Variants in UTP25 observed in about 807,000 individuals in gnomAD.
UTP25 encodes U3 small nucleolar RNA-associated protein 25 homolog.
In UTP25, 50 loss-of-function variants were observed where a neutral mutation model predicts 78.9. The observed-to-expected ratio is 0.63, with a 90% CI of 0.50 to 0.80. UTP25 has a LOEUF of 0.80. UTP25 is among the 30% of genes least tolerant of loss of function. UTP25 has a pLI of 0.00. For missense variants in UTP25, 846 were observed against 911.3 expected (o/e 0.93, Z 0.92); for synonymous variants, 329 against 336.5 (o/e 0.98, Z 0.24).
intron 9 of UTP25, 24 bp downstream of exon 9, chr1:209,842,471 A>C: frequency 6.2e-7 from 1 of 1,613,966 alleles, no homozygotes; most frequent in Non-Finnish European, 8.5e-7. Context: ...TTGTTTCCTC[A>C]GTATCTTCAT....
In UTP25 at chr1:209,853,359, CTTT is replaced by C. The variant is rs766466685; in HGVS notation, c.*1925_*1927del. The C allele has an allele frequency of 3.5e-5, 5 of 140,916 alleles. No individual in the cohort carries two copies. Among genetic ancestry groups the C allele is most frequent in the Non-Finnish European group, 4.7e-5 (3 of 64,320 alleles). 8.7% of individuals were successfully genotyped at this position (140,916 alleles called of 1,614,324 possible). On this transcript the variant is annotated 3_prime_UTR_variant, in exon 12 of 12. Coordinates refer to ENST00000491415, the MANE Select transcript of UTP25 (RefSeq NM_014388.7). ...GCGAAGGGACTGTAATTACCTGGATCTTTTTTTTTTTTTTTGAGATGGAGTCTC... is the reference window on the plus strand; with the variant it reads ...GCGAAGGGACTGTAATTACCTGGATCTTTTTTTTTTTTGAGATGGAGTCTC...
intron 8 of UTP25, 57 bp from the exon 9 acceptor site, chr1:209,842,208 G>A (rs2078170655): frequency 1.3e-6 from 2 of 1,496,220 alleles, no homozygotes; most frequent in Non-Finnish European, 1.8e-6. Flanking sequence ...GTTTAGCAAT[G>A]TCCAACATGT....
rs41303047 is a variant in UTP25 at position 209,843,715 on chromosome 1, T to G, written c.2027+19T>G. ...ACAAAAGGTAAAGTGGTGCCAGGTT[T>G]CAAGCCTCCTCTCTGAAGGGGAGGT... is the stretch of plus-strand genomic sequence containing the variant. On this transcript the variant is annotated intron_variant, in intron 11 of 11. Coordinates refer to ENST00000491415, the MANE Select transcript of UTP25 (RefSeq NM_014388.7). The G allele has an allele frequency of 1.9e-3, 3,125 of 1,607,596 alleles. 5 individuals are homozygous for G. The highest frequency in any genetic ancestry group is 2.5e-3 in the Non-Finnish European group (2,996 of 1,176,038).
chr1:209,836,801 T>A lies in UTP25; in HGVS notation c.652T>A (p.Trp218Arg), dbSNP rs746058692. 1.9e-6 allele frequency: 3 copies of A among 1,591,028 alleles called. No individual in the cohort carries two copies. Among genetic ancestry groups the A allele is most frequent in the Non-Finnish European group, 2.6e-6 (3 of 1,170,692 alleles). Residue 218 changes from tryptophan (W) to arginine (R), a missense_variant and splice_region_variant, in exon 6 of 12, where the codon TGG becomes AGG. Coordinates refer to ENST00000491415, the MANE Select transcript of UTP25 (RefSeq NM_014388.7). The stretch of plus-strand genomic sequence containing the variant: ...GGCTCTTGATCTGTTTCTCCCCTAG[T>A]GGCCTATTCTGGGCCAGCTTTTCTT... Reference protein sequence around the residue: ...TNPKTTHELKWPILGQLFFSS... With the variant: ...TNPKTTHELKRPILGQLFFSS...
rs181507188 is a variant in UTP25 at position 209,848,059 on chromosome 1, G to A, written c.2028-3145G>A. Among the ~76,000 whole-genome samples, 399 of 152,182 alleles carry A rather than the reference G, an allele frequency of 2.6e-3. 1 individual carries two copies. Among genetic ancestry groups the A allele is most frequent in the African/African-American group, 9.3e-3 (384 of 41,498 alleles). ...AGATCAGTGGTTCTCAAACTTTGCC[G>A]TACGTTAGAATAGAAGCTTTTAAAA... On this transcript the variant is annotated intron_variant, in intron 11 of 11. Transcript: ENST00000491415.
intron 11 of UTP25, 77 bp downstream of exon 11, chr1:209,843,773 G>T: frequency 6.6e-7 from 1 of 1,522,026 alleles, no homozygotes. Context: ...CTGAATGCAT[G>T]GCAGGCTTCG....
At chr1:209,829,486 C>CTTTTTT (rs200092993) in intron 1 of UTP25, among the ~76,000 whole-genome samples, 1 of 141,426 alleles carries the variant, frequency 7.1e-6, no homozygotes, top group Admixed American at 7.1e-5. Flanking sequence ...CTTTTCTTTT[C>CTTTTTT]TTTTTTCTTT....
chr1:209,843,981 A>C, intron 11 of UTP25: 1 of 369,724 alleles, frequency 2.7e-6, no homozygotes. Context: ...AGGACATTAC[A>C]GGACAACTCA....
chr1:209,849,660 T>G (rs951665432), intron 11 of UTP25, among the ~76,000 whole-genome samples: 3 of 152,124 alleles, frequency 2.0e-5, no homozygotes, highest in African/African-American at 7.2e-5. Context: ...TCTCCAGGGC[T>G]CCCAGTGCAG....
In UTP25 at chr1:209,852,426, C is replaced by G. The variant is rs2078246700; in HGVS notation, c.*979C>G. 6.6e-6 allele frequency: 1 copy of G among 152,200 alleles called. No homozygotes were observed. The highest frequency in any genetic ancestry group is 6.5e-5 in the Admixed American group (1 of 15,286). The allele number at this position is 152,200 out of a possible 1,614,324, so 9.4% of individuals were successfully genotyped here. ...TTTCAGAATCCAAAAAAATTCGAAA[C>G]ACGTCTGGTCCCAAGCATTTCAGAT... On this transcript the variant is annotated 3_prime_UTR_variant, in exon 12 of 12. Coordinates refer to ENST00000491415, the MANE Select transcript of UTP25 (RefSeq NM_014388.7).
At chr1:209,841,126 GT>G (rs2102576158) in intron 8 of UTP25, 71 bp downstream of exon 8, 1 of 1,518,732 alleles carries the variant, frequency 6.6e-7, no homozygotes, top group East Asian at 2.3e-5. Context: ...AGTGGTTTAA[GT>G]CCTAAAGAAT....
chr1:209,841,098 T>C lies in UTP25; in HGVS notation c.1485+43T>C, dbSNP rs180780011. 15 of 1,603,844 alleles carry C rather than the reference T, an allele frequency of 9.4e-6. No homozygotes were observed. The Admixed American group carries it at 1.3e-4, about 14-fold the overall frequency. On this transcript the variant is annotated intron_variant, in intron 8 of 11. Coordinates refer to ENST00000491415, the MANE Select transcript of UTP25 (RefSeq NM_014388.7). ...CATTCAGTGGGACAGTATTCATATT[T>C]AGAGGGATAAGACACCCAGTGGTTT...
At position 209,835,078 on chromosome 1, in the gene UTP25, C is replaced by A. The variant is rs2078125785; in HGVS notation, c.566C>A (p.Pro189Gln). ...ACATTTTTTATTTCTGAATTAGATC[C>A]ATTTCTTCAACATGTGAACAAAGAA... is the stretch of plus-strand genomic sequence containing the variant. The part of the protein sequence containing the change: ...DNSSLKASQD[P>Q]FLQHVNKELK... Residue 189 changes from proline to glutamine, a missense_variant, in exon 5 of 12, where the codon CCA (proline) becomes CAA (glutamine). By Grantham distance (76) the Pro-to-Gln change is moderately conservative. Transcript: ENST00000491415. The A allele has an allele frequency of 6.2e-7, 1 of 1,612,450 alleles. No homozygotes were observed. Among genetic ancestry groups the A allele is most frequent in the South Asian group, 1.1e-5 (1 of 90,924 alleles).
intron 7 of UTP25, among the ~76,000 whole-genome samples, 200 bp from the exon 8 acceptor site, chr1:209,840,653 G>A (rs1176090327): frequency 2.0e-5 from 3 of 152,204 alleles, no homozygotes; most frequent in African/African-American, 7.2e-5. Flanking sequence ...GAAGGTAGAA[G>A]CTAGAAGGGA....
intron 1 of UTP25, among the ~76,000 whole-genome samples, chr1:209,829,493 C>CTT (rs201062436): frequency 7.7e-6 from 1 of 129,144 alleles, no homozygotes; most frequent in Admixed American, 7.8e-5. Flanking sequence ...TTTCTTTTTT[C>CTT]TTTTTTTTGA....
intron 11 of UTP25, among the ~76,000 whole-genome samples, chr1:209,849,355 C>T (rs1425485660): frequency 1.3e-5 from 2 of 152,048 alleles, no homozygotes; most frequent in African/African-American, 4.8e-5. Context: ...TTTCTTACCC[C>T]TTCCTCTGGG....
At chr1:209,834,149 A>AC (rs1388908965) in intron 4 of UTP25, among the ~76,000 whole-genome samples, 2 of 152,068 alleles carry the variant, frequency 1.3e-5, no homozygotes, top group Non-Finnish European at 2.9e-5. Flanking sequence ...AAACTTAGAA[A>AC]CTTTGGAGGA....
rs745792891 is a variant in UTP25 at position 209,828,027 on chromosome 1, GC to G, written c.-36del. ...CTGGACAACTTCCTGGTGGAAAACC[GC>G]GACTCTTGCAAGTGGGCAAACTTGA... On this transcript the variant is annotated 5_prime_UTR_variant, in exon 1 of 12. Transcript: ENST00000491415. The G allele has an allele frequency of 6.4e-7, 1 of 1,553,694 alleles. No homozygotes were observed. Among genetic ancestry groups the G allele is most frequent in the Admixed American group, 1.7e-5 (1 of 59,924 alleles).
intron 2 of UTP25, 49 bp from the exon 3 acceptor site, chr1:209,830,754 A>C (rs766198706): frequency 5.7e-6 from 9 of 1,586,298 alleles, no homozygotes; most frequent in Non-Finnish European, 7.7e-6. Flanking sequence ...TTAGGGTAAC[A>C]ATAAGAACAA....
Sources: allele counts gnomAD v4.1 joint callset (sites outside exome capture counted in the v4.1 genomes callset), GRCh38; gene constraint gnomAD v4.1.1; transcripts MANE v1.5; gene names NCBI Gene and HGNC (gene_info 2026-07-23, HGNC 2026-07-21).